The following LARS2 variants were observed in gnomAD, a reference collection of about 807,000 sequenced individuals.
LARS2 encodes leucine--tRNA ligase, mitochondrial.
LARS2 carries 81 observed loss-of-function variants against 116.6 expected under a neutral mutation model. The observed-to-expected ratio is 0.69, with a 90% confidence interval of 0.58 to 0.84. The LOEUF is 0.84. Ranked by LOEUF, LARS2 falls within the 40% of genes least tolerant of loss-of-function variation. The probability of loss-of-function intolerance (pLI) is 0.00; values close to 1 mark genes in which losing one functional copy is unlikely to be tolerated. For missense variants in LARS2, 968 were observed against 1,114.5 expected (o/e 0.87, Z 1.87); for synonymous variants, 396 against 407.2 (o/e 0.97, Z 0.33).
At chr3:45,466,407 T>A (rs1699426440) in intron 8 of LARS2, among the ~76,000 whole-genome samples, 1 of 152,200 alleles carries the variant, frequency 6.6e-6, no homozygotes, top group Non-Finnish European at 1.5e-5. Flanking sequence ...ATCCCTGCCC[T>A]GATCTGAAAA....
At chr3:45,545,973 A>C (rs1700869784) in intron 21 of LARS2, among the ~76,000 whole-genome samples, 1 of 151,934 alleles carries the variant, frequency 6.6e-6, no homozygotes, top group Admixed American at 6.6e-5. Context: ...AAAAAAAAAA[A>C]AAACTAAGCT....
intron 3 of LARS2, among the ~76,000 whole-genome samples, chr3:45,396,961 T>C (rs922856862): frequency 2.6e-5 from 4 of 152,212 alleles, no homozygotes; most frequent in African/African-American, 9.6e-5. Context: ...GTGACAAAGC[T>C]AGGACCAGAA....
chr3:45,417,450 G>A (rs2125686565), intron 4 of LARS2, 32 bp from the exon 5 acceptor site: 2 of 1,496,920 alleles, frequency 1.3e-6, no homozygotes, highest in East Asian at 4.5e-5. Flanking sequence ...TTAATGATTT[G>A]CCATGGTTGA....
Position 45,547,466 on chromosome 3 carries a change from G to A in LARS2, c.2648G>A (p.Arg883Gln), listed in dbSNP as rs758135169. The change falls in exon 22 of 22, where the codon CGA becomes CAA. Residue 883 changes from arginine to glutamine, a missense_variant. By Grantham distance (43) the Arg-to-Gln change is conservative (BLOSUM62 1). Transcript: ENST00000645846. ...SELGVRLLQG[R>Q]SIKKSFLSPR... is the part of the protein sequence containing the mutation. ...CTGGGTGTCAGGCTTTTGCAAGGAC[G>A]AAGCATCAAGAAGTCCTTCCTTTCC... The A allele has an allele frequency of 6.8e-6, 11 of 1,613,568 alleles. No individual in the cohort carries two copies. Among genetic ancestry groups the A allele is most frequent in the Admixed American group, 3.3e-5 (2 of 59,918 alleles).
chr3:45,465,450 C>G (rs142189399), intron 8 of LARS2, among the ~76,000 whole-genome samples: 1,879 of 152,240 alleles, frequency 0.012, 32 homozygotes, highest in South Asian at 0.043. Context: ...AGGGATGGGA[C>G]TGGGCAGGGG....
chr3:45,414,178 T>C (rs561963589), intron 4 of LARS2, among the ~76,000 whole-genome samples: 2 of 152,230 alleles, frequency 1.3e-5, no homozygotes, highest in African/African-American at 4.8e-5. Context: ...AAAATGGAAA[T>C]AACTTTTAGG....
chr3:45,464,982 C>G (rs1341583307), intron 8 of LARS2, among the ~76,000 whole-genome samples: 2 of 152,070 alleles, frequency 1.3e-5, no homozygotes, highest in Non-Finnish European at 2.9e-5. Context: ...GTGGCTTTAT[C>G]CCTCCTCACT....
intron 13 of LARS2, among the ~76,000 whole-genome samples, chr3:45,495,677 C>T (rs1699999938): frequency 6.6e-6 from 1 of 152,206 alleles, no homozygotes; most frequent in Admixed American, 6.5e-5. Context: ...AAAGAGATAC[C>T]TAATCCTGTC....
chr3:45,397,399 G>A (rs892406504), intron 3 of LARS2, among the ~76,000 whole-genome samples: 10 of 152,118 alleles, frequency 6.6e-5, no homozygotes, highest in African/African-American at 2.2e-4. Flanking sequence ...GAATATTAAA[G>A]ACTTTAGAAA....
intron 9 of LARS2, 21 bp downstream of exon 9, chr3:45,474,371 C>A: frequency 6.8e-7 from 1 of 1,481,060 alleles, no homozygotes; most frequent in Non-Finnish European, 9.4e-7. Flanking sequence ...AATAGCAGCT[C>A]CAGCAATTCA....
At chr3:45,416,131 G>T (rs1698417466) in intron 4 of LARS2, among the ~76,000 whole-genome samples, 1 of 151,080 alleles carries the variant, frequency 6.6e-6, no homozygotes, top group Non-Finnish European at 1.5e-5. Flanking sequence ...CAGTACTTCA[G>T]TACTTCAGTA....
At chr3:45,451,916 T>A (rs545553859) in intron 7 of LARS2, among the ~76,000 whole-genome samples, 1 of 152,234 alleles carries the variant, frequency 6.6e-6, no homozygotes, top group South Asian at 2.1e-4. Flanking sequence ...ATCTTTAACC[T>A]TGCTTAAATT....
chr3:45,423,454 A>G (rs1698545906), intron 6 of LARS2, among the ~76,000 whole-genome samples: 1 of 152,168 alleles, frequency 6.6e-6, no homozygotes, highest in Non-Finnish European at 1.5e-5. Flanking sequence ...CTGGGATTAC[A>G]GGCACGCACC....
chr3:45,439,848 T>G (rs1395434588), intron 6 of LARS2, among the ~76,000 whole-genome samples: 1 of 152,184 alleles, frequency 6.6e-6, no homozygotes, highest in Non-Finnish European at 1.5e-5. Context: ...TTAAGTTCTG[T>G]AAAGACATAA....
chr3:45,400,241 C>G lies in LARS2; in HGVS notation c.235-4C>G, dbSNP rs1698120497. On this transcript the variant is annotated splice_polypyrimidine_tract_variant and splice_region_variant and intron_variant, in intron 3 of 21. Coordinates refer to ENST00000645846, the MANE Select transcript of LARS2 (RefSeq NM_015340.4). ...AATAAATACTCATTGTCGTTCTTTC[C>G]TAGAAATCGAAGCCAAAATTTTACG... is the stretch of plus-strand genomic sequence containing the variant. The G allele has an allele frequency of 6.2e-7, 1 of 1,612,060 alleles. No individual in the cohort carries two copies. The highest frequency in any genetic ancestry group is 8.5e-7 in the Non-Finnish European group (1 of 1,179,124).
intron 1 of LARS2, among the ~76,000 whole-genome samples, chr3:45,390,377 G>GCC (rs967982942): frequency 3.3e-5 from 5 of 150,796 alleles, no homozygotes; most frequent in African/African-American, 1.2e-4. Flanking sequence ...CAGTGGTGCA[G>GCC]CCTCTGCTCA....
chr3:45,429,193 C>G (rs1203757980), intron 6 of LARS2, among the ~76,000 whole-genome samples: 1 of 152,178 alleles, frequency 6.6e-6, no homozygotes, highest in Admixed American at 6.5e-5. Flanking sequence ...TATTATCTGA[C>G]AGTTTCTGTA....
intron 19 of LARS2, among the ~76,000 whole-genome samples, chr3:45,520,896 G>C (rs926109704): frequency 2.0e-5 from 3 of 152,210 alleles, no homozygotes; most frequent in African/African-American, 7.2e-5. Flanking sequence ...AAGCTTTTAA[G>C]ATCAGTGGGG....
intron 10 of LARS2, among the ~76,000 whole-genome samples, chr3:45,478,685 T>C (rs1197820611): frequency 1.3e-5 from 2 of 152,240 alleles, no homozygotes; most frequent in Non-Finnish European, 2.9e-5. Context: ...TCTGAAATTA[T>C]TCCAAATGGA....
Sources: gnomAD v4.1 joint callset for allele counts (sites outside exome capture counted in the v4.1 genomes callset) on GRCh38, gnomAD v4.1.1 for gene constraint, MANE v1.5 for transcripts, NCBI Gene and HGNC (gene_info 2026-07-23, HGNC 2026-07-21) for gene names.